The following HNRNPM variants were observed in gnomAD, a reference collection of about 807,000 sequenced individuals.
The protein encoded by HNRNPM is CEA receptor.
Under a neutral mutation model 73.1 loss-of-function variants are expected in HNRNPM, and 11 were observed. The ratio of observed to expected loss-of-function variants is 0.15; its 90% CI spans 0.09 to 0.25. The LOEUF (loss-of-function observed/expected upper bound fraction) is 0.25, where lower values mean the gene tolerates loss of function less well. HNRNPM is among the 10% of genes least tolerant of loss of function. The pLI, the probability that HNRNPM is intolerant of heterozygous loss-of-function variation, is 1.00. For missense variants in HNRNPM, 789 were observed against 1,067.9 expected (o/e 0.74, Z 3.64); for synonymous variants, 407 against 355.2 (o/e 1.15, Z -1.64).
intron 8 of HNRNPM, among the ~76,000 whole-genome samples, 182 bp from the exon 9 acceptor site, chr19:8,468,592 C>CT (rs1599797374): frequency 1.3e-5 from 2 of 152,270 alleles, no homozygotes; most frequent in Admixed American, 1.3e-4. Flanking sequence ...ATCCATGTGT[C>CT]TTTTCCCTTG....
chr19:8,458,716 G>A (rs1459254521), intron 2 of HNRNPM, among the ~76,000 whole-genome samples: 2 of 152,230 alleles, frequency 1.3e-5, no homozygotes, highest in Non-Finnish European at 2.9e-5. Flanking sequence ...TAATCCTTCT[G>A]TTAGTATAAT....
chr19:8,477,684 A>C (rs1047170948), intron 12 of HNRNPM, among the ~76,000 whole-genome samples: 35 of 68,660 alleles, frequency 5.1e-4, no homozygotes, highest in African/African-American at 1.4e-3. Flanking sequence ...AAAAAAAAAA[A>C]AAAAAAAAAG....
chr19:8,468,185 T>G (rs1219500716), intron 8 of HNRNPM, among the ~76,000 whole-genome samples: 1 of 152,248 alleles, frequency 6.6e-6, no homozygotes, highest in Non-Finnish European at 1.5e-5. Context: ...TGGTTATATA[T>G]GTGGGGTTCC....
At position 8,465,476 on chromosome 19, in the gene HNRNPM, A is replaced by G. The variant is rs1969682448; in HGVS notation, c.591A>G (p.Leu197=). The G allele has an allele frequency of 1.2e-6, 2 of 1,613,360 alleles. No individual in the cohort carries two copies. The highest frequency in any genetic ancestry group is 1.7e-6 in the Non-Finnish European group (2 of 1,179,568). ...TCCCAAATGAGATTATCCATGCATT[A>G]CAGGCTGGAAGACTTGGAAGCACAG... is the stretch of plus-strand genomic sequence containing the variant. ...PNIPNEIIHA[L]QAGRLGSTVF... The change falls in exon 6 of 16, where the codon TTA becomes TTG. Residue 197 remains leucine, a synonymous_variant. Coordinates refer to ENST00000325495, the MANE Select transcript of HNRNPM (RefSeq NM_005968.5).
At chr19:8,452,222 G>A (rs964094193) in intron 1 of HNRNPM, among the ~76,000 whole-genome samples, 3 of 152,146 alleles carry the variant, frequency 2.0e-5, no homozygotes, top group Non-Finnish European at 2.9e-5. Context: ...TATACATTTC[G>A]TAGTTTATAG....
intron 12 of HNRNPM, among the ~76,000 whole-genome samples, chr19:8,478,990 A>G (rs1323525290): frequency 6.7e-6 from 1 of 148,834 alleles, no homozygotes; most frequent in Non-Finnish European, 1.5e-5. Flanking sequence ...GAAGGTCTTG[A>G]GTATTTAGGC....
At chr19:8,455,664 C>G in intron 2 of HNRNPM, 90 bp downstream of exon 2, 1 of 1,022,296 alleles carries the variant, frequency 9.8e-7, no homozygotes, top group Non-Finnish European at 1.5e-6. Context: ...TCAGTGGAAG[C>G]GGCTCTGGGT....
In HNRNPM at chr19:8,465,478, A is replaced by G. The variant is rs776791556; in HGVS notation, c.593A>G (p.Gln198Arg). 1 of 1,612,830 alleles carries G rather than the reference A, an allele frequency of 6.2e-7. No individual in the cohort carries two copies. The highest frequency in any genetic ancestry group is 1.1e-5 in the South Asian group (1 of 90,830). Residue 198 changes from glutamine (Q) to arginine (R), a missense_variant, in exon 6 of 16, where the codon CAG (glutamine) becomes CGG (arginine). This residue lies in a region of HNRNPM where 604 missense variants were observed against 744.0 expected (regional missense o/e 0.81). Transcript: ENST00000325495. ...CCAAATGAGATTATCCATGCATTAC[A>G]GGCTGGAAGACTTGGAAGCACAGTA... ...NIPNEIIHAL[Q>R]AGRLGSTVFV...
chr19:8,484,531 ACTGT>A (rs759575379), intron 13 of HNRNPM, among the ~76,000 whole-genome samples: 27 of 152,282 alleles, frequency 1.8e-4, no homozygotes, highest in Middle Eastern at 6.8e-3. Flanking sequence ...GGTTCCTTAT[ACTGT>A]GGGGAAGTTC....
intron 2 of HNRNPM, among the ~76,000 whole-genome samples, chr19:8,461,262 A>AT (rs1221671281): frequency 6.6e-6 from 1 of 152,178 alleles, no homozygotes; most frequent in East Asian, 1.9e-4. Context: ...AGATCTTTAA[A>AT]TTTTTTGTAA....
chr19:8,479,453 C>T (rs148386345), intron 12 of HNRNPM, among the ~76,000 whole-genome samples: 1 of 152,178 alleles, frequency 6.6e-6, no homozygotes, highest in Non-Finnish European at 1.5e-5. Context: ...TTAGATTCAT[C>T]CTTCAGCTCA....
chr19:8,463,885 G>A, intron 5 of HNRNPM, 199 bp downstream of exon 5: 1 of 553,074 alleles, frequency 1.8e-6, no homozygotes, highest in East Asian at 3.0e-5. Flanking sequence ...AGCAGATCCT[G>A]AGTGGCTGCT....
At chr19:8,457,692 T>C (rs1969114005) in intron 2 of HNRNPM, among the ~76,000 whole-genome samples, 2 of 152,334 alleles carry the variant, frequency 1.3e-5, no homozygotes, top group Middle Eastern at 3.4e-3. Flanking sequence ...TACATACATA[T>C]GACTTCTTAA....
rs200336419 is a variant in HNRNPM, at chr19:8,445,147, T to C, written c.113+36T>C. On this transcript the variant is annotated intron_variant, in intron 1 of 15. Transcript: ENST00000325495. The stretch of plus-strand genomic sequence containing the variant: ...CACGGTCCTTTGCCACGGGTAAGGG[T>C]TCCTCTCCGCGGCCGACGCGGGCGG... The C allele has an allele frequency of 7.4e-6, 10 of 1,352,970 alleles. No individual in the cohort carries two copies. In the East Asian group the frequency reaches 2.5e-4, roughly 34 times the overall value. 83.8% of individuals were successfully genotyped at this position (1,352,970 alleles called of 1,614,324 possible).
At chr19:8,448,788 C>T in intron 1 of HNRNPM, among the ~76,000 whole-genome samples, 1 of 151,946 alleles carries the variant, frequency 6.6e-6, no homozygotes, top group East Asian at 1.9e-4. Context: ...TGGCCCCTTC[C>T]TGAGTAATTT....
At chr19:8,468,633 T>A in intron 8 of HNRNPM, 141 bp from the exon 9 acceptor site, 1 of 655,114 alleles carries the variant, frequency 1.5e-6, no homozygotes, top group Non-Finnish European at 2.8e-6. Context: ...TCCGCATGCC[T>A]TTCTACCCTT....
chr19:8,447,048 A>G (rs1012035264), intron 1 of HNRNPM, among the ~76,000 whole-genome samples: 1 of 152,168 alleles, frequency 6.6e-6, no homozygotes, highest in Non-Finnish European at 1.5e-5. Flanking sequence ...ATAGATTACA[A>G]ATTTTCCCTT....
At chr19:8,486,946 C>A in intron 14 of HNRNPM, 78 bp from the exon 15 acceptor site, 2 of 1,103,076 alleles carry the variant, frequency 1.8e-6, no homozygotes, top group Non-Finnish European at 1.4e-6. Flanking sequence ...TCTAGCATGG[C>A]CCTCAGAGCC....
At chr19:8,479,645 T>TGTTG (rs2069840257) in intron 12 of HNRNPM, among the ~76,000 whole-genome samples, 1 of 151,520 alleles carries the variant, frequency 6.6e-6, no homozygotes. Context: ...ACAGAGTGTA[T>TGTTG]GTTGCCCAGG....
Sources: gnomAD v4.1 joint callset for allele counts (sites outside exome capture counted in the v4.1 genomes callset) on GRCh38, gnomAD v4.1.1 for gene constraint, gnomAD v4.1.1 regional missense constraint, MANE v1.5 for transcripts, NCBI Gene and HGNC (gene_info 2026-07-23, HGNC 2026-07-21) for gene names.